Variants in NEO1 observed in about 807,000 individuals in gnomAD.
NEO1 encodes the protein neogenin 1.
A neutral mutation model predicts 159.7 loss-of-function variants in NEO1; 63 were observed. The ratio of observed to expected loss-of-function variants is 0.39; its 90% CI spans 0.32 to 0.49. The LOEUF (loss-of-function observed/expected upper bound fraction) is 0.49. NEO1 is among the 20% of genes least tolerant of loss of function. The pLI is 0.85. For synonymous variants in NEO1, 633 were observed against 662.0 expected (o/e 0.96, Z 0.67); for missense variants, 1,615 against 1,831.0 (o/e 0.88, Z 2.15).
chr15:73,182,998 TA>T (rs1466198549), intron 7 of NEO1, among the ~76,000 whole-genome samples: 9 of 152,166 alleles, frequency 5.9e-5, no homozygotes, highest in Non-Finnish European at 1.2e-4. Context: ...GAGTTTTAAC[TA>T]AAAGGCCTTT....
chr15:73,215,424 A>G (rs1014211184), intron 7 of NEO1, among the ~76,000 whole-genome samples: 4 of 152,172 alleles, frequency 2.6e-5, no homozygotes, highest in Non-Finnish European at 4.4e-5. Context: ...TTAGTCACAG[A>G]TGGCTTTTAT....
intron 10 of NEO1, 115 bp from the exon 11 acceptor site, chr15:73,249,468 A>G: frequency 8.5e-7 from 1 of 1,175,778 alleles, no homozygotes; most frequent in Non-Finnish European, 1.2e-6. Flanking sequence ...AACCTTATGT[A>G]GAAGGGATAA....
In NEO1 at chr15:73,120,807, T is replaced by C. The variant is rs375658911; in HGVS notation, c.449-1718T>C. On this transcript the variant is annotated intron_variant, in intron 2 of 28. Transcript: ENST00000261908. ...ACTGATGCTCTTAGCTGCTACATCC[T>C]GTGGCGTCTATATTTATGACGACAT... Among the ~76,000 whole-genome samples the C allele has an allele frequency of 4.6e-5, 7 of 152,126 alleles. No homozygotes were observed. In the East Asian group the frequency reaches 5.8e-4, roughly 13 times the overall value.
At chr15:73,295,172 C>T (rs2042316191) in intron 26 of NEO1, among the ~76,000 whole-genome samples, 1 of 130,398 alleles carries the variant, frequency 7.7e-6, no homozygotes, top group Non-Finnish European at 1.7e-5. Context: ...TACTATCTCC[C>T]TCCAAATCCC....
chr15:73,169,680 T>C (rs1313691806), intron 5 of NEO1, among the ~76,000 whole-genome samples: 2 of 141,154 alleles, frequency 1.4e-5, no homozygotes, highest in Non-Finnish European at 3.1e-5. Flanking sequence ...AGGCTTTTGC[T>C]GTGTTTTCCA....
At chr15:73,167,594 A>G (rs1430791786) in intron 5 of NEO1, among the ~76,000 whole-genome samples, 10 of 152,240 alleles carry the variant, frequency 6.6e-5, no homozygotes, top group Non-Finnish European at 1.5e-4. Flanking sequence ...ATTATTCACA[A>G]TAACTGAAAC....
chr15:73,185,966 G>C (rs1408735988), intron 7 of NEO1, among the ~76,000 whole-genome samples: 3 of 151,864 alleles, frequency 2.0e-5, no homozygotes, highest in African/African-American at 7.3e-5. Flanking sequence ...CAACCAAAAA[G>C]AAGCTCAGAC....
At chr15:73,166,080 A>C (rs2034551434) in intron 5 of NEO1, among the ~76,000 whole-genome samples, 1 of 152,076 alleles carries the variant, frequency 6.6e-6, no homozygotes, top group African/African-American at 2.4e-5. Flanking sequence ...GTTCTGTTTG[A>C]AATAATTCCA....
chr15:73,269,557 A>G (rs907119296), intron 16 of NEO1, among the ~76,000 whole-genome samples: 1 of 152,024 alleles, frequency 6.6e-6, no homozygotes, highest in Non-Finnish European at 1.5e-5. Flanking sequence ...GACAGGTTTC[A>G]CCATATTGGC....
chr15:73,139,753 T>C (rs1258594736), intron 5 of NEO1, among the ~76,000 whole-genome samples: 1 of 152,266 alleles, frequency 6.6e-6, no homozygotes, highest in African/African-American at 2.4e-5. Context: ...TTTCAAAATT[T>C]ATTGTTCATG....
rs537735808 is a variant in NEO1, at chr15:73,126,484, G to A, written c.792G>A (p.Gln264=). 5.0e-6 allele frequency: 8 copies of A among 1,613,770 alleles called. No homozygotes were observed. In the African/African-American group the frequency reaches 9.3e-5, roughly 19 times the overall value. The part of the protein sequence containing the change: ...QPSPLVRVIG[Q]DVVLPCVASG... ...CTCCCTTAGTCAGAGTCATTGGTCA[G>A]GATGTAGTGTTGCCATGTGTTGCTT... Residue 264 remains glutamine, a synonymous_variant, in exon 4 of 29, where the codon CAG becomes CAA. Transcript: ENST00000261908.
At chr15:73,084,265 A>G (rs1040297764) in intron 1 of NEO1, among the ~76,000 whole-genome samples, 1 of 152,112 alleles carries the variant, frequency 6.6e-6, no homozygotes, top group African/African-American at 2.4e-5. Flanking sequence ...TATTCCTCCT[A>G]TCTAACTGAA....
intron 27 of NEO1, among the ~76,000 whole-genome samples, 195 bp downstream of exon 27, chr15:73,298,806 A>G (rs182396964): frequency 4.6e-5 from 7 of 152,334 alleles, no homozygotes; most frequent in Admixed American, 1.3e-4. Flanking sequence ...TTCTGGGAAC[A>G]CTTACAAACC....
intron 9 of NEO1, among the ~76,000 whole-genome samples, chr15:73,245,855 A>G (rs1307006564): frequency 1.3e-5 from 2 of 151,950 alleles, no homozygotes; most frequent in Non-Finnish European, 2.9e-5. Flanking sequence ...TGCTGGGATT[A>G]CAAGCATGAG....
At chr15:73,090,027 G>A (rs1170756738) in intron 1 of NEO1, among the ~76,000 whole-genome samples, 1 of 152,112 alleles carries the variant, frequency 6.6e-6, no homozygotes, top group African/African-American at 2.4e-5. Context: ...TGGTTTGGAA[G>A]ATAATTTACC....
chr15:73,058,538 T>C (rs533162110), intron 1 of NEO1, among the ~76,000 whole-genome samples: 4 of 152,342 alleles, frequency 2.6e-5, no homozygotes, highest in African/African-American at 9.6e-5. Flanking sequence ...ATTCTTTCTA[T>C]ATTTTGGATT....
chr15:73,200,567 A>T (rs530700268), intron 7 of NEO1, among the ~76,000 whole-genome samples: 1 of 151,548 alleles, frequency 6.6e-6, no homozygotes, highest in African/African-American at 2.4e-5. Flanking sequence ...GAAATGGGAA[A>T]GGGAGTCTCT....
chr15:73,122,926 T>C (rs2071754239), intron 3 of NEO1, 126 bp downstream of exon 3: 3 of 1,189,864 alleles, frequency 2.5e-6, no homozygotes, highest in Non-Finnish European at 2.4e-6. Context: ...TCCCAGCACT[T>C]TGGGAGGTTG....
At chr15:73,209,729 C>T (rs750229632) in intron 7 of NEO1, among the ~76,000 whole-genome samples, 33 of 152,120 alleles carry the variant, frequency 2.2e-4, no homozygotes, top group African/African-American at 3.4e-4. Flanking sequence ...CGGTGGCTCA[C>T]GCCTGTAATT....
Sources: gnomAD v4.1 joint callset for allele counts (sites outside exome capture counted in the v4.1 genomes callset) on GRCh38, gnomAD v4.1.1 for gene constraint, MANE v1.5 for transcripts, NCBI Gene and HGNC (gene_info 2026-07-23, HGNC 2026-07-21) for gene names.